Variants in WNT4 observed in about 807,000 individuals in gnomAD.
WNT4 encodes the protein Wnt family member 4, also known as protein Wnt-4.
WNT4 carries 16 observed loss-of-function variants against 34.5 expected under a neutral mutation model. The ratio of observed to expected loss-of-function variants is 0.46; its 90% CI spans 0.31 to 0.70. The LOEUF (loss-of-function observed/expected upper bound fraction) is 0.70, where lower values mean the gene tolerates loss of function less well. Ranked by LOEUF, WNT4 falls within the 30% of genes least tolerant of loss-of-function variation. The pLI, the probability that WNT4 is intolerant of heterozygous loss-of-function variation, is 0.04. For missense variants in WNT4, 379 were observed against 495.9 expected (o/e 0.76, Z 2.24); for synonymous variants, 200 against 211.9 (o/e 0.94, Z 0.49).
rs1290758867 is a variant in WNT4, at chr1:22,139,196, C to A, written c.77+3650G>T. ...GCAGCCTGAAGGCCCGTTTTCTCCA[C>A]CACCCCTATCAATAGGGACGCAGCC... On this transcript the variant is annotated intron_variant, in intron 1 of 4. Transcript: ENST00000290167. The surrounding 1 kb of genome is among the most constrained non-coding windows in gnomAD (Gnocchi z 4.6). Among the ~76,000 whole-genome samples the A allele has an allele frequency of 6.6e-6, 1 of 152,154 alleles. No homozygotes were observed. The highest frequency in any genetic ancestry group is 1.5e-5 in the Non-Finnish European group (1 of 68,004).
chr1:22,122,852 C>G (rs1334433243), intron 2 of WNT4, among the ~76,000 whole-genome samples: 1 of 152,158 alleles, frequency 6.6e-6, no homozygotes, highest in Non-Finnish European at 1.5e-5. Flanking sequence ...CAGCTCAGTC[C>G]CCGACCACTC....
Position 22,137,355 on chromosome 1 carries a change from A to G in WNT4, c.77+5491T>C, listed in dbSNP as rs551068873. Among the ~76,000 whole-genome samples the G allele has an allele frequency of 6.6e-6, 1 of 152,144 alleles. No individual in the cohort carries two copies. Among genetic ancestry groups the G allele is most frequent in the Non-Finnish European group, 1.5e-5 (1 of 68,014 alleles). On this transcript the variant is annotated intron_variant, in intron 1 of 4. Transcript: ENST00000290167. The surrounding 1 kb of genome is among the most constrained non-coding windows in gnomAD (Gnocchi z 5.3). ...CCTGGCAACTCCTGTGGAAATCTGG[A>G]GAGCAACCCTGGGGTCGCAGCTCTG...
chr1:22,127,562 G>A, intron 2 of WNT4: 1 of 462,232 alleles, frequency 2.2e-6, no homozygotes, highest in South Asian at 1.6e-5. Context: ...GGAGTCGGGT[G>A]AGGAGATACG....
At chr1:22,133,830 G>A (rs911041316) in intron 1 of WNT4, among the ~76,000 whole-genome samples, 2 of 152,226 alleles carry the variant, frequency 1.3e-5, no homozygotes, top group African/African-American at 2.4e-5. Flanking sequence ...CCCCGAGCCC[G>A]GCCCGTGCCT....
intron 2 of WNT4, among the ~76,000 whole-genome samples, chr1:22,126,154 AAC>A (rs1645938835): frequency 6.6e-6 from 1 of 152,174 alleles, no homozygotes; most frequent in African/African-American, 2.4e-5. Context: ...TTCAGCCTAG[AAC>A]ACACAGTTTT....
intron 4 of WNT4, 49 bp from the exon 5 acceptor site, chr1:22,120,566 G>A: frequency 6.4e-7 from 1 of 1,551,602 alleles, no homozygotes; most frequent in Non-Finnish European, 8.7e-7. Context: ...GGCAAGGGAA[G>A]GCAGGGGAGG....
chr1:22,121,800 A>C (rs1645900980), intron 2 of WNT4, among the ~76,000 whole-genome samples: 1 of 152,248 alleles, frequency 6.6e-6, no homozygotes, highest in Admixed American at 6.5e-5. Flanking sequence ...TCAAACGTGC[A>C]GATGCTGTCA....
At chr1:22,123,033 G>A (rs1351315372) in intron 2 of WNT4, among the ~76,000 whole-genome samples, 1 of 152,262 alleles carries the variant, frequency 6.6e-6, no homozygotes, top group Non-Finnish European at 1.5e-5. Context: ...GTTAATCGAG[G>A]TTAATAGCAG....
rs763405712 is a variant in WNT4 at position 22,120,155 on chromosome 1, C to T, written c.951G>A (p.Thr317=). 4.5e-5 allele frequency: 72 copies of T among 1,613,406 alleles called. No individual in the cohort carries two copies. Among genetic ancestry groups the T allele is most frequent in the East Asian group, 4.5e-5 (2 of 44,890 alleles). The change falls in exon 5 of 5, where the codon ACG becomes ACA. Residue 317 remains threonine (T), a synonymous_variant. Coordinates refer to ENST00000290167, the MANE Select transcript of WNT4 (RefSeq NM_030761.5). The part of the protein sequence containing the change: ...ELLCCGRGFH[T]AQVELAERCS... ...AGCGTTCAGCCAGCTCCACCTGCGCCGTGTGGAAGCCGCGGCCACAGCACA... is the reference window on the plus strand; with the variant it reads ...AGCGTTCAGCCAGCTCCACCTGCGCTGTGTGGAAGCCGCGGCCACAGCACA...
rs767865426 is a variant in WNT4 at position 22,129,754 on chromosome 1, G to A, written c.175C>T (p.Arg59Trp). ...LIQRQVQMCK[R>W]NLEVMDSVRR... Reference sequence around the variant, plus strand: ...ACCGAGTCCATGACTTCCAGGTTCCGCTTGCACATCTGCACCTGCCTCTGG... The same window carrying A: ...ACCGAGTCCATGACTTCCAGGTTCCACTTGCACATCTGCACCTGCCTCTGG... Residue 59 changes from arginine to tryptophan, a missense_variant, in exon 2 of 5, where the codon CGG becomes TGG. Arg to Trp is a moderately radical substitution (Grantham distance 101). This residue lies in a region of WNT4 where 313 missense variants were observed against 445.8 expected (regional missense o/e 0.70). Coordinates refer to ENST00000290167, the MANE Select transcript of WNT4 (RefSeq NM_030761.5). 18 of 1,613,994 alleles carry A rather than the reference G, an allele frequency of 1.1e-5. No homozygotes were observed. The highest frequency in any genetic ancestry group is 1.2e-5 in the Non-Finnish European group (14 of 1,180,032).
At chr1:22,138,427 A>G (rs928348097) in intron 1 of WNT4, among the ~76,000 whole-genome samples, 1 of 152,006 alleles carries the variant, frequency 6.6e-6, no homozygotes, top group African/African-American at 2.4e-5. Context: ...GACATTTGGC[A>G]AAGTCTGCAG....
chr1:22,142,341 C>G lies in WNT4; in HGVS notation c.77+505G>C, dbSNP rs1179035608. Among the ~76,000 whole-genome samples the G allele has an allele frequency of 6.6e-6, 1 of 152,114 alleles. No individual in the cohort carries two copies. The highest frequency in any genetic ancestry group is 1.5e-5 in the Non-Finnish European group (1 of 68,024). On this transcript the variant is annotated intron_variant, in intron 1 of 4. Coordinates refer to ENST00000290167, the MANE Select transcript of WNT4 (RefSeq NM_030761.5). The surrounding 1 kb of genome is among the most constrained non-coding windows in gnomAD (Gnocchi z 6.0). ...CCTTCTGTCTCCGGCTCCCGCCCCCCAAGCAGAAACAGGTCCCTGCACGCC... is the reference window on the plus strand; with the variant it reads ...CCTTCTGTCTCCGGCTCCCGCCCCCGAAGCAGAAACAGGTCCCTGCACGCC...
chr1:22,132,734 C>T (rs2124124180), intron 1 of WNT4, among the ~76,000 whole-genome samples: 1 of 152,294 alleles, frequency 6.6e-6, no homozygotes, highest in East Asian at 1.9e-4. Flanking sequence ...GGGCCAGCTT[C>T]CAGGAAGGAG....
rs1179273919 is a variant in WNT4 at position 22,117,539 on chromosome 1, G to T, written c.*2511C>A. On this transcript the variant is annotated 3_prime_UTR_variant, in exon 5 of 5. Coordinates refer to ENST00000290167, the MANE Select transcript of WNT4 (RefSeq NM_030761.5). ...CCCTCTGGCCAATTTCCAGGCCACGGTGAGGCCAAGAGGGGGTGGGCTATG... is the reference window on the plus strand; with the variant it reads ...CCCTCTGGCCAATTTCCAGGCCACGTTGAGGCCAAGAGGGGGTGGGCTATG... 6.6e-6 allele frequency: 1 copy of T among 152,370 alleles called. No individual in the cohort carries two copies. The highest frequency in any genetic ancestry group is 1.5e-5 in the Non-Finnish European group (1 of 68,162). The allele number at this position is 152,370 out of a possible 1,614,324, so 9.4% of individuals were successfully genotyped here.
At chr1:22,121,384 G>A (rs376158661) in intron 3 of WNT4, 31 bp from the exon 4 acceptor site, 12 of 1,613,884 alleles carry the variant, frequency 7.4e-6, no homozygotes, top group East Asian at 4.5e-5. Context: ...AAAGGGCTGC[G>A]GTGAGTGAGG....
rs763825111 is a variant in WNT4 at position 22,122,738 on chromosome 1, G to A, written c.314-1162C>T. ...CTGTGACATCCAGGCCTGTGCTCTC[G>A]GCTGCCCCAGGGAGCAGTCACCGTG... On this transcript the variant is annotated intron_variant, in intron 2 of 4. Coordinates refer to ENST00000290167, the MANE Select transcript of WNT4 (RefSeq NM_030761.5). Among the ~76,000 whole-genome samples, 6 of 152,176 alleles carry A rather than the reference G, an allele frequency of 3.9e-5. No individual in the cohort carries two copies. The South Asian group carries it at 6.2e-4, about 16-fold the overall frequency.
rs1646046373 is a variant in WNT4 at position 22,139,220 on chromosome 1, C to G, written c.77+3626G>C. Among the ~76,000 whole-genome samples the G allele has an allele frequency of 6.6e-6, 1 of 152,196 alleles. No homozygotes were observed. Among genetic ancestry groups the G allele is most frequent in the Admixed American group, 6.5e-5 (1 of 15,286 alleles). Reference sequence around the variant, plus strand: ...ACCACCCCTATCAATAGGGACGCAGCCCTGCAGCTCCCTGACAGCAGCCCT... The same window carrying G: ...ACCACCCCTATCAATAGGGACGCAGGCCTGCAGCTCCCTGACAGCAGCCCT... On this transcript the variant is annotated intron_variant, in intron 1 of 4. Coordinates refer to ENST00000290167, the MANE Select transcript of WNT4 (RefSeq NM_030761.5). This position sits in a 1 kb window ranked among gnomAD's most constrained non-coding sequence, Gnocchi z 4.6.
rs570701046 is a variant in WNT4, at chr1:22,142,892, G to T, written c.31C>A (p.Arg11Ser). Residue 11 changes from arginine to serine, a missense_variant, in exon 1 of 5, where the codon CGC (arginine) becomes AGC (serine). Coordinates refer to ENST00000290167, the MANE Select transcript of WNT4 (RefSeq NM_030761.5). The surrounding 1 kb of genome is among the most constrained non-coding windows in gnomAD (Gnocchi z 6.0). MSPRSCLRSL[R>S]LLVFAVFSAA... ...GAGAAGACGGCGAAGACGAGGAGGC[G>T]CAGCGAACGCAGGCACGAGCGGGGA... 1.7e-6 allele frequency: 2 copies of T among 1,209,280 alleles called. No individual in the cohort carries two copies. The highest frequency in any genetic ancestry group is 2.1e-6 in the Non-Finnish European group (2 of 944,884). 74.9% of individuals were successfully genotyped at this position (1,209,280 alleles called of 1,614,324 possible). A position where few individuals can be genotyped will look rare whatever the true frequency, so the allele number is the denominator to read the frequency against.
In WNT4 at chr1:22,129,585, T is replaced by TCGCCTGCAGCCCCGCACGCC. The variant is rs755587103; in HGVS notation, c.313+30_313+31insGGCGTGCGGGGCTGCAGGCG. Reference sequence around the variant, plus strand: ...GGGCCCATGCCCTGGCACCGCAGGCTCCCCTGCAGCCCCGCACGCCCTTCC... The same window carrying TCGCCTGCAGCCCCGCACGCC: ...GGGCCCATGCCCTGGCACCGCAGGCTCGCCTGCAGCCCCGCACGCCCCCCTGCAGCCCCGCACGCCCTTCC... On this transcript the variant is annotated intron_variant, in intron 2 of 4. Transcript: ENST00000290167. 5.4e-4 allele frequency: 860 copies of TCGCCTGCAGCCCCGCACGCC among 1,601,192 alleles called. 1 individual carries two copies. The highest frequency in any genetic ancestry group is 2.5e-3 in the Middle Eastern group (14 of 5,610).
Sources: allele counts gnomAD v4.1 joint callset (sites outside exome capture counted in the v4.1 genomes callset), GRCh38; gene constraint gnomAD v4.1.1; regional missense constraint gnomAD v4.1.1; non-coding constraint Gnocchi (gnomAD v3.1); transcripts MANE v1.5; gene names NCBI Gene and HGNC (gene_info 2026-07-23, HGNC 2026-07-21).